Variants in SEPTIN10 observed in about 807,000 individuals in gnomAD.
SEPTIN10 encodes septin-10.
SEPTIN10 carries 66 observed loss-of-function variants against 54.8 expected under a neutral mutation model. The observed-to-expected ratio is 1.21, with a 90% CI of 0.99 to 1.48. The LOEUF is 1.48. Among genes scored for constraint, SEPTIN10 ranks in the 40% most tolerant of loss-of-function variants. The pLI, the probability that SEPTIN10 is intolerant of heterozygous loss-of-function variation, is 0.00. For missense variants in SEPTIN10, 620 were observed against 545.6 expected (o/e 1.14, Z -1.36); for synonymous variants, 161 against 181.0 (o/e 0.89, Z 0.89).
intron 1 of SEPTIN10, among the ~76,000 whole-genome samples, chr2:109,598,228 T>C (rs1695739557): frequency 1.3e-5 from 2 of 151,856 alleles, no homozygotes; most frequent in Admixed American, 1.3e-4. Flanking sequence ...CCACCACACC[T>C]GGCTAACTTT....
intron 8 of SEPTIN10, among the ~76,000 whole-genome samples, chr2:109,559,045 C>A (rs1685024836): frequency 6.6e-6 from 1 of 152,090 alleles, no homozygotes; most frequent in Non-Finnish European, 1.5e-5. Flanking sequence ...GCCACCACAC[C>A]CGGCTAATTT....
At chr2:109,563,685 C>A (rs1178998939) in intron 8 of SEPTIN10, among the ~76,000 whole-genome samples, 3 of 152,200 alleles carry the variant, frequency 2.0e-5, no homozygotes, top group Non-Finnish European at 4.4e-5. Context: ...TATAACTACA[C>A]TGTAATATGG....
chr2:109,599,345 T>C (rs919043183), intron 1 of SEPTIN10, among the ~76,000 whole-genome samples: 1 of 151,118 alleles, frequency 6.6e-6, no homozygotes, highest in African/African-American at 2.4e-5. Context: ...GTAATCCCAG[T>C]TACTTGGGAG....
intron 8 of SEPTIN10, among the ~76,000 whole-genome samples, chr2:109,563,223 C>T (rs935978769): frequency 2.0e-5 from 3 of 152,254 alleles, no homozygotes; most frequent in African/African-American, 2.4e-5. Flanking sequence ...TAAGTATATA[C>T]AATTCTTAAT....
intron 7 of SEPTIN10, 67 bp from the exon 8 acceptor site, chr2:109,564,601 G>T (rs770070010): frequency 3.8e-5 from 50 of 1,310,266 alleles, no homozygotes; most frequent in Non-Finnish European, 4.9e-5. Flanking sequence ...CTAAGTGTTT[G>T]CTGAATGAAC....
chr2:109,560,969 T>C (rs991888462), intron 8 of SEPTIN10, among the ~76,000 whole-genome samples: 8 of 152,198 alleles, frequency 5.3e-5, no homozygotes, highest in African/African-American at 1.9e-4. Context: ...TGGCCTCTCC[T>C]AAGCATCTCT....
In SEPTIN10 at chr2:109,608,043, G is replaced by A. The variant is rs573043956; in HGVS notation, c.30+5755C>T. On this transcript the variant is annotated intron_variant, in intron 1 of 10. Coordinates refer to ENST00000397712, the MANE Select transcript of SEPTIN10 (RefSeq NM_144710.5). The stretch of plus-strand genomic sequence containing the variant: ...AGCAGAACTAGCTACTAATTTGTCA[G>A]TGAGAACATTTCTCATCTATACACA... 3.9e-5 allele frequency among the ~76,000 whole-genome samples: 6 copies of A among 152,330 alleles called. 1 individual carries two copies. The highest frequency in any genetic ancestry group is 1.4e-4 in the African/African-American group (6 of 41,584).
chr2:109,607,994 T>C (rs760692122), intron 1 of SEPTIN10, among the ~76,000 whole-genome samples: 4 of 152,262 alleles, frequency 2.6e-5, no homozygotes, highest in Non-Finnish European at 5.9e-5. Flanking sequence ...TGTCTGTTTC[T>C]GAAGCCGTGA....
At chr2:109,565,640 C>T (rs1686805811) in intron 7 of SEPTIN10, 123 bp downstream of exon 7, 1 of 851,200 alleles carries the variant, frequency 1.2e-6, no homozygotes, top group Non-Finnish European at 1.9e-6. Flanking sequence ...TAAAATAGTA[C>T]ACAGCCAATT....
intron 8 of SEPTIN10, among the ~76,000 whole-genome samples, chr2:109,559,487 T>C (rs1685137380): frequency 6.6e-6 from 1 of 152,192 alleles, no homozygotes; most frequent in South Asian, 2.1e-4. Context: ...CCCTTTCTAA[T>C]TTCCCCTTCT....
At chr2:109,571,054 C>T (rs562699294) in intron 5 of SEPTIN10, among the ~76,000 whole-genome samples, 5 of 152,164 alleles carry the variant, frequency 3.3e-5, no homozygotes, top group Admixed American at 1.3e-4. Flanking sequence ...TGAGTTCTCA[C>T]GAGATCTGGT....
At chr2:109,569,437 T>TAAA (rs61064446) in intron 5 of SEPTIN10, among the ~76,000 whole-genome samples, 1 of 131,230 alleles carries the variant, frequency 7.6e-6, no homozygotes, top group East Asian at 2.1e-4. Context: ...AAACTCTTGT[T>TAAA]AAAAAAAAAA....
chr2:109,576,564 A>G (rs1689734890), intron 4 of SEPTIN10, among the ~76,000 whole-genome samples: 1 of 152,220 alleles, frequency 6.6e-6, no homozygotes. Context: ...ACTTTCCAAA[A>G]AAATAAAATG....
intron 10 of SEPTIN10, chr2:109,545,016 A>T: frequency 1.0e-6 from 1 of 985,478 alleles, no homozygotes; most frequent in Non-Finnish European, 1.2e-6. Flanking sequence ...TCCATATTTA[A>T]AAATTGAAAG....
chr2:109,543,188 T>A lies in SEPTIN10; in HGVS notation c.*1121A>T, dbSNP rs916968508. On this transcript the variant is annotated 3_prime_UTR_variant, in exon 11 of 11. Coordinates refer to ENST00000397712, the MANE Select transcript of SEPTIN10 (RefSeq NM_144710.5). ...CATTTTTATATCTTTAATATTCAGA[T>A]GTTCATAGTTATTTTCTTAAAAAGT... The A allele has an allele frequency of 3.5e-4, 54 of 152,660 alleles. No homozygotes were observed. The highest frequency in any genetic ancestry group is 1.3e-3 in the African/African-American group (53 of 41,474). The allele number at this position is 152,660 out of a possible 1,614,324, so 9.5% of individuals were successfully genotyped here.
At chr2:109,582,075 GACAC>G (rs55880328) in intron 4 of SEPTIN10, among the ~76,000 whole-genome samples, 4,575 of 143,840 alleles carry the variant, frequency 0.032, 130 homozygotes, top group East Asian at 0.12. Flanking sequence ...ATGTACAACA[GACAC>G]ACACACACAC....
intron 1 of SEPTIN10, among the ~76,000 whole-genome samples, chr2:109,611,119 C>A (rs1179062749): frequency 2.0e-5 from 3 of 152,198 alleles, no homozygotes; most frequent in Non-Finnish European, 4.4e-5. Flanking sequence ...GGTGCTGGAG[C>A]AACTGGACAT....
chr2:109,557,194 T>TA (rs901967667), intron 8 of SEPTIN10, among the ~76,000 whole-genome samples: 2 of 151,966 alleles, frequency 1.3e-5, no homozygotes, highest in Admixed American at 6.6e-5. Context: ...AAAAAAATTA[T>TA]AAAAAAAATC....
At chr2:109,596,494 G>T (rs2106035649) in intron 1 of SEPTIN10, among the ~76,000 whole-genome samples, 1 of 152,184 alleles carries the variant, frequency 6.6e-6, no homozygotes, top group Non-Finnish European at 1.5e-5. Context: ...GCAGGCACCT[G>T]TAGTCCCAGC....
Sources: allele counts gnomAD v4.1 joint callset (sites outside exome capture counted in the v4.1 genomes callset), GRCh38; gene constraint gnomAD v4.1.1; transcripts MANE v1.5; gene names NCBI Gene and HGNC (gene_info 2026-07-23, HGNC 2026-07-21).